MAGI2: variants seen among roughly 807,000 people sequenced by gnomAD.
MAGI2 encodes membrane associated guanylate kinase, WW and PDZ domain containing 2.
Under a neutral mutation model 133.3 loss-of-function variants are expected in MAGI2, and 35 were observed. That is an observed-to-expected ratio of 0.26 (90% CI 0.20 to 0.35). The LOEUF is 0.35. MAGI2 is among the 10% of genes least tolerant of loss of function. The probability of loss-of-function intolerance (pLI) is 1.00; values close to 1 mark genes in which losing one functional copy is unlikely to be tolerated. For missense variants in MAGI2, 1,636 were observed against 1,863.4 expected (o/e 0.88, Z 2.25); for synonymous variants, 729 against 710.6 (o/e 1.03, Z -0.41).
intron 3 of MAGI2, among the ~76,000 whole-genome samples, chr7:78,555,049 G>C (rs1249225785): frequency 6.6e-6 from 1 of 151,866 alleles, no homozygotes; most frequent in Non-Finnish European, 1.5e-5. Flanking sequence ...TGAGGTGAGA[G>C]GGTTACTTGA....
rs73369360 is a variant in MAGI2 at position 79,122,950 on chromosome 7, T to G, written c.302-115744A>C. On this transcript the variant is annotated intron_variant, in intron 1 of 21. Transcript: ENST00000354212. The stretch of plus-strand genomic sequence containing the variant: ...CAGGTGATCCAATATCTTTATAAAA[T>G]AGAGATTAGTATGTTTAAAAAAGAG... Among the ~76,000 whole-genome samples, 454 of 152,120 alleles carry G rather than the reference T, an allele frequency of 3.0e-3. 2 individuals are homozygous for G. Among genetic ancestry groups the G allele is most frequent in the African/African-American group, 9.7e-3 (404 of 41,516 alleles).
In MAGI2 at chr7:79,186,238, A is replaced by ATATATT. The variant is rs1562973264; in HGVS notation, c.302-179038_302-179033dup. Among the ~76,000 whole-genome samples, 17 of 87,392 alleles carry ATATATT rather than the reference A, an allele frequency of 1.9e-4. 1 individual carries two copies. The highest frequency in any genetic ancestry group is 3.7e-4 in the South Asian group (1 of 2,686). The allele number at this position is 87,392 out of a possible 152,430, so 57.3% of individuals were successfully genotyped here. A position where few individuals can be genotyped will look rare whatever the true frequency, so the allele number is the denominator to read the frequency against. On this transcript the variant is annotated intron_variant, in intron 1 of 21. Transcript: ENST00000354212. ...TATATATATATATATATATATATATATATATTTATATTTATTTATTTATAA... is the reference window on the plus strand; with the variant it reads ...TATATATATATATATATATATATATATATATTTATATTTATATTTATTTATTTATAA...
At chr7:78,601,125 T>C (rs1307339242) in intron 3 of MAGI2, among the ~76,000 whole-genome samples, 1 of 152,184 alleles carries the variant, frequency 6.6e-6, no homozygotes, top group Non-Finnish European at 1.5e-5. Flanking sequence ...AACAAATGTG[T>C]ATTTTCAATA....
chr7:79,122,754 T>C (rs7786608), intron 1 of MAGI2, among the ~76,000 whole-genome samples: 108,710 of 151,530 alleles, frequency 0.72, 40,902 homozygotes, highest in Non-Finnish European at 0.85. Context: ...AAGCGATTCT[T>C]CCACCTCAGC....
chr7:78,385,364 A>C (rs898697930), intron 6 of MAGI2, among the ~76,000 whole-genome samples: 13 of 152,258 alleles, frequency 8.5e-5, no homozygotes, highest in African/African-American at 3.1e-4. Context: ...CCAGGTGGAG[A>C]TAATATATAA....
chr7:78,306,919 A>C (rs1798284182), intron 9 of MAGI2, among the ~76,000 whole-genome samples: 1 of 152,200 alleles, frequency 6.6e-6, no homozygotes, highest in Non-Finnish European at 1.5e-5. Context: ...TATTTAAAAT[A>C]GTCAAGTGAA....
At chr7:78,466,393 A>G (rs916219102) in intron 6 of MAGI2, among the ~76,000 whole-genome samples, 2 of 152,230 alleles carry the variant, frequency 1.3e-5, no homozygotes, top group African/African-American at 4.8e-5. Flanking sequence ...GGAATGCAGG[A>G]GGTATTTTAA....
chr7:79,441,544 A>G (rs1474550788), intron 1 of MAGI2, among the ~76,000 whole-genome samples: 2 of 152,096 alleles, frequency 1.3e-5, no homozygotes, highest in Non-Finnish European at 2.9e-5. Flanking sequence ...CATTTATAGT[A>G]TATATGTATT....
At chr7:78,302,307 GA>G (rs1010095225) in intron 9 of MAGI2, among the ~76,000 whole-genome samples, 5 of 151,780 alleles carry the variant, frequency 3.3e-5, no homozygotes, top group South Asian at 2.1e-4. Context: ...TTACAATAGA[GA>G]AAAAAAATTC....
intron 10 of MAGI2, among the ~76,000 whole-genome samples, chr7:78,248,642 T>C (rs1001853886): frequency 2.6e-5 from 4 of 152,056 alleles, no homozygotes; most frequent in Non-Finnish European, 5.9e-5. Context: ...ATAGATTCAT[T>C]GGGGAAAGCA....
chr7:78,311,159 G>T (rs1446488779), intron 9 of MAGI2, among the ~76,000 whole-genome samples: 1 of 152,192 alleles, frequency 6.6e-6, no homozygotes, highest in Non-Finnish European at 1.5e-5. Context: ...GCTAAGCTGG[G>T]ATGACAATGG....
At chr7:78,826,756 C>T (rs113407989) in intron 2 of MAGI2, among the ~76,000 whole-genome samples, 6 of 152,052 alleles carry the variant, frequency 3.9e-5, no homozygotes, top group African/African-American at 9.6e-5. Flanking sequence ...GCCTCACTGA[C>T]GGAGGTGTGG....
intron 1 of MAGI2, among the ~76,000 whole-genome samples, chr7:79,036,057 G>A (rs936853703): frequency 7.2e-5 from 11 of 152,176 alleles, no homozygotes; most frequent in African/African-American, 2.7e-4. Context: ...AATGTGAGGA[G>A]TCAGCAAATA....
chr7:78,870,261 C>G (rs1226843929), intron 2 of MAGI2, among the ~76,000 whole-genome samples: 1 of 151,066 alleles, frequency 6.6e-6, no homozygotes, highest in Non-Finnish European at 1.5e-5. Context: ...GTGGGAGAAT[C>G]ACCTGAACCA....
intron 2 of MAGI2, among the ~76,000 whole-genome samples, chr7:78,917,348 T>C (rs1374080000): frequency 6.6e-6 from 1 of 151,904 alleles, no homozygotes; most frequent in Non-Finnish European, 1.5e-5. Context: ...AAGAGAGACA[T>C]TAATTTCTGC....
intron 5 of MAGI2, among the ~76,000 whole-genome samples, chr7:78,500,871 T>C (rs976873736): frequency 6.6e-6 from 1 of 152,166 alleles, no homozygotes; most frequent in African/African-American, 2.4e-5. Flanking sequence ...GGCAATCACC[T>C]GAGCCCAGGA....
rs563629374 is a variant in MAGI2, at chr7:79,168,056, G to A, written c.302-160850C>T. ...TACCTTTATTTCGGCCCATCCCTTC[G>A]TTTCCCATAAGGGATACTTCTAGTT... On this transcript the variant is annotated intron_variant, in intron 1 of 21. Transcript: ENST00000354212. Among the ~76,000 whole-genome samples, 90 of 152,186 alleles carry A rather than the reference G, an allele frequency of 5.9e-4. No homozygotes were observed. In the South Asian group the frequency reaches 0.011, roughly 18 times the overall value.
intron 9 of MAGI2, among the ~76,000 whole-genome samples, chr7:78,277,687 G>A (rs1049937035): frequency 2.6e-5 from 4 of 152,180 alleles, no homozygotes; most frequent in African/African-American, 7.2e-5. Context: ...TGTTTACAAC[G>A]TGGCAACAGT....
chr7:78,195,070 A>G lies in MAGI2; in HGVS notation c.2080-7T>C, dbSNP rs1234148872. On this transcript the variant is annotated splice_region_variant and splice_polypyrimidine_tract_variant and intron_variant, in intron 11 of 21. Coordinates refer to ENST00000354212, the MANE Select transcript of MAGI2 (RefSeq NM_012301.4). ...TCTCCCATCGGTCCATTATCTGAAA[A>G]GTGACAGAGGACAGAGAAAATGACT... 1.3e-6 allele frequency: 2 copies of G among 1,594,448 alleles called. No homozygotes were observed. Among genetic ancestry groups the G allele is most frequent in the East Asian group, 2.3e-5 (1 of 43,644 alleles).
Sources: gnomAD v4.1 joint callset for allele counts (sites outside exome capture counted in the v4.1 genomes callset) on GRCh38, gnomAD v4.1.1 for gene constraint, MANE v1.5 for transcripts, NCBI Gene and HGNC (gene_info 2026-07-23, HGNC 2026-07-21) for gene names.